Variants in SPAG16 observed in about 807,000 individuals in gnomAD.
The protein encoded by SPAG16 is sperm associated antigen 16.
In SPAG16, 86 loss-of-function variants were observed where a neutral mutation model predicts 80.4. That is an observed-to-expected ratio of 1.07 (90% CI 0.90 to 1.28). SPAG16 has a LOEUF of 1.28. Among genes scored for constraint, SPAG16 ranks in the 50% most tolerant of loss-of-function variants. The probability of loss-of-function intolerance (pLI) is 0.00; values close to 1 mark genes in which losing one functional copy is unlikely to be tolerated. For synonymous variants in SPAG16, 294 were observed against 265.9 expected (o/e 1.11, Z -1.03); for missense variants, 870 against 765.3 (o/e 1.14, Z -1.61).
intron 15 of SPAG16, among the ~76,000 whole-genome samples, chr2:214,407,928 T>A (rs920605901): frequency 6.6e-5 from 10 of 152,156 alleles, no homozygotes; most frequent in Non-Finnish European, 1.2e-4. Context: ...CTTATATTCA[T>A]TTTAGGAATT....
intron 15 of SPAG16, among the ~76,000 whole-genome samples, chr2:214,160,375 A>T (rs1051984495): frequency 6.6e-6 from 1 of 151,262 alleles, no homozygotes; most frequent in Non-Finnish European, 1.5e-5. Context: ...TCCTTATCCA[A>T]ATTTGGTTGT....
chr2:213,961,068 C>T (rs187597769), intron 12 of SPAG16, among the ~76,000 whole-genome samples: 118 of 152,184 alleles, frequency 7.8e-4, no homozygotes, highest in African/African-American at 2.6e-3. Context: ...TGTTAAGAGC[C>T]GAAATTGACC....
intron 15 of SPAG16, among the ~76,000 whole-genome samples, chr2:214,365,044 T>C (rs1361277325): frequency 1.3e-5 from 2 of 152,062 alleles, no homozygotes; most frequent in African/African-American, 4.8e-5. Context: ...AGGAGACACA[T>C]TGTAAAGGTA....
intron 9 of SPAG16, among the ~76,000 whole-genome samples, chr2:213,418,106 T>A (rs2069371684): frequency 6.6e-6 from 1 of 152,124 alleles, no homozygotes; most frequent in Non-Finnish European, 1.5e-5. Context: ...CTCCTGACCT[T>A]AGGTGATCCA....
intron 10 of SPAG16, among the ~76,000 whole-genome samples, chr2:213,609,915 C>T (rs2061388461): frequency 6.6e-6 from 1 of 151,818 alleles, no homozygotes; most frequent in African/African-American, 2.4e-5. Flanking sequence ...ATTCATAATC[C>T]AGCCAATGTA....
At chr2:213,617,806 C>T (rs1393044539) in intron 10 of SPAG16, among the ~76,000 whole-genome samples, 8 of 152,034 alleles carry the variant, frequency 5.3e-5, no homozygotes, top group Non-Finnish European at 1.2e-4. Flanking sequence ...GTGCAAGATA[C>T]TATCTCAAAA....
chr2:213,823,847 C>T (rs2073106644), intron 10 of SPAG16, among the ~76,000 whole-genome samples: 1 of 151,572 alleles, frequency 6.6e-6, no homozygotes, highest in South Asian at 2.1e-4. Context: ...CAAAAATTTT[C>T]TCCCATTTTG....
At chr2:213,803,548 A>C (rs1313275386) in intron 10 of SPAG16, among the ~76,000 whole-genome samples, 1 of 152,120 alleles carries the variant, frequency 6.6e-6, no homozygotes, top group Non-Finnish European at 1.5e-5. Flanking sequence ...TTAAAAGAAA[A>C]AAACGTTTGA....
chr2:213,579,105 A>G (rs1335203465), intron 10 of SPAG16, among the ~76,000 whole-genome samples: 2 of 152,046 alleles, frequency 1.3e-5, no homozygotes, highest in Non-Finnish European at 2.9e-5. Flanking sequence ...AATTTTAGGT[A>G]TTTAACATTG....
chr2:214,259,518 G>A (rs1368377786), intron 15 of SPAG16, among the ~76,000 whole-genome samples: 8 of 128,732 alleles, frequency 6.2e-5, no homozygotes. Flanking sequence ...CTCCTTTCCT[G>A]GATTGTCACC....
At chr2:213,662,792 A>C (rs1284836995) in intron 10 of SPAG16, among the ~76,000 whole-genome samples, 1 of 152,118 alleles carries the variant, frequency 6.6e-6, no homozygotes, top group Non-Finnish European at 1.5e-5. Context: ...GTGTCAAAAA[A>C]TTATGACAGA....
intron 12 of SPAG16, among the ~76,000 whole-genome samples, chr2:213,997,821 C>A (rs1026665850): frequency 6.6e-6 from 1 of 152,118 alleles, no homozygotes; most frequent in East Asian, 1.9e-4. Flanking sequence ...TCATTCTGGG[C>A]TGCATGCAGC....
chr2:214,108,469 ACACACACACACCCC>A (rs1302143913), intron 14 of SPAG16, among the ~76,000 whole-genome samples: 24 of 78,972 alleles, frequency 3.0e-4, no homozygotes, highest in African/African-American at 1.1e-3. Flanking sequence ...ACACACACAC[ACACACACACACCCC>A]CACACACACC....
intron 15 of SPAG16, among the ~76,000 whole-genome samples, chr2:214,310,515 T>G (rs1029900095): frequency 3.3e-5 from 5 of 152,128 alleles, no homozygotes; most frequent in Non-Finnish European, 7.4e-5. Context: ...TGAAGTTTGG[T>G]CTCCAGTAGG....
intron 10 of SPAG16, among the ~76,000 whole-genome samples, chr2:213,856,900 G>T (rs1177195290): frequency 6.6e-6 from 1 of 152,174 alleles, no homozygotes; most frequent in African/African-American, 2.4e-5. Flanking sequence ...TTATCCAGAA[G>T]ACATAGCTAA....
chr2:214,153,510 C>T lies in SPAG16; in HGVS notation c.1720+4244C>T, dbSNP rs150970764. On this transcript the variant is annotated intron_variant, in intron 15 of 15. Coordinates refer to ENST00000331683, the MANE Select transcript of SPAG16 (RefSeq NM_024532.5). ...TCGTGTCCTTGGTCTCTTGCCTCGG[C>T]GCCTGGGTGGCTTGCCACCCACAGT... Among the ~76,000 whole-genome samples the T allele has an allele frequency of 4.2e-3, 644 of 152,150 alleles. 2 individuals carry two copies. Among genetic ancestry groups the T allele is most frequent in the Non-Finnish European group, 5.0e-3 (343 of 67,986 alleles).
rs1187436292 is a variant in SPAG16 at position 213,468,480 on chromosome 2, GAT to G, written c.943-21474_943-21473del. ...ATATATCTCTATGTATTTATATATA[GAT>G]ATATATATGTATTTATATATAGATA... On this transcript the variant is annotated intron_variant, in intron 9 of 15. Coordinates refer to ENST00000331683, the MANE Select transcript of SPAG16 (RefSeq NM_024532.5). 1.8e-3 allele frequency among the ~76,000 whole-genome samples: 184 copies of G among 100,494 alleles called. 2 individuals are homozygous for G. Among genetic ancestry groups the G allele is most frequent in the South Asian group, 3.3e-3 (11 of 3,358 alleles). The allele number at this position is 100,494 out of a possible 152,430, so 65.9% of individuals were successfully genotyped here. A position where few individuals can be genotyped will look rare whatever the true frequency, so the allele number is the denominator to read the frequency against.
intron 10 of SPAG16, among the ~76,000 whole-genome samples, chr2:213,728,651 G>T (rs1431563387): frequency 6.6e-6 from 1 of 151,896 alleles, no homozygotes; most frequent in Admixed American, 6.6e-5. Context: ...CGAAGCGGGC[G>T]GATCACCTGA....
intron 10 of SPAG16, among the ~76,000 whole-genome samples, chr2:213,856,673 C>G (rs1258110482): frequency 2.6e-5 from 4 of 152,170 alleles, no homozygotes; most frequent in African/African-American, 7.2e-5. Flanking sequence ...AATGTTTGGG[C>G]CTTGCACCCT....
Sources: allele counts gnomAD v4.1 joint callset (sites outside exome capture counted in the v4.1 genomes callset), GRCh38; gene constraint gnomAD v4.1.1; transcripts MANE v1.5; gene names NCBI Gene and HGNC (gene_info 2026-07-23, HGNC 2026-07-21).